Variants in PDZRN4 observed in about 807,000 individuals in gnomAD.
PDZRN4 encodes the protein PDZ domain containing ring finger 4.
PDZRN4 carries 70 observed loss-of-function variants against 99.0 expected under a neutral mutation model. The ratio of observed to expected loss-of-function variants is 0.71; its 90% confidence interval spans 0.58 to 0.86. The LOEUF is 0.86. PDZRN4 is among the 40% of genes least tolerant of loss of function. PDZRN4 has a pLI of 0.00. For synonymous variants in PDZRN4, 551 were observed against 501.6 expected (o/e 1.10, Z -1.32); for missense variants, 1,474 against 1,331.2 (o/e 1.11, Z -1.67).
At chr12:41,507,985 A>AT (rs1250828143) in intron 4 of PDZRN4, among the ~76,000 whole-genome samples, 3 of 152,218 alleles carry the variant, frequency 2.0e-5, no homozygotes, top group African/African-American at 4.8e-5. Flanking sequence ...CATAGTAGCC[A>AT]TCCAACAAAT....
intron 3 of PDZRN4, chr12:41,437,659 G>A: frequency 2.2e-6 from 2 of 891,852 alleles, no homozygotes; most frequent in South Asian, 5.0e-5. Flanking sequence ...TGGAATCTGT[G>A]TAGTCATGTG....
intron 3 of PDZRN4, among the ~76,000 whole-genome samples, chr12:41,231,324 A>G (rs755202543): frequency 7.9e-5 from 12 of 152,120 alleles, no homozygotes; most frequent in Admixed American, 3.9e-4. Context: ...TTGTGCCATC[A>G]GCATTAAAAA....
intron 5 of PDZRN4, among the ~76,000 whole-genome samples, chr12:41,533,814 C>T (rs1471687861): frequency 1.3e-5 from 2 of 152,096 alleles, no homozygotes; most frequent in Non-Finnish European, 2.9e-5. Context: ...TAACTATTTA[C>T]AAATTTGTAT....
intron 3 of PDZRN4, among the ~76,000 whole-genome samples, chr12:41,372,681 G>A (rs1340670770): frequency 6.6e-6 from 1 of 152,164 alleles, no homozygotes; most frequent in Non-Finnish European, 1.5e-5. Flanking sequence ...GTTGACTGAG[G>A]AGTTGGGGGT....
At chr12:41,531,507 G>A (rs11180981) in intron 5 of PDZRN4, among the ~76,000 whole-genome samples, 21,193 of 152,174 alleles carry the variant, frequency 0.14, 1,939 homozygotes, top group Non-Finnish European at 0.2. Context: ...GCTTGCTAGG[G>A]TCTTAGGCTT....
At chr12:41,553,949 A>G (rs928924719) in intron 6 of PDZRN4, among the ~76,000 whole-genome samples, 1 of 152,156 alleles carries the variant, frequency 6.6e-6, no homozygotes, top group Non-Finnish European at 1.5e-5. Flanking sequence ...TTGTTTTGAT[A>G]GACCTGCTTA....
At chr12:41,205,788 CA>C (rs112900325) in intron 3 of PDZRN4, among the ~76,000 whole-genome samples, 4,527 of 151,918 alleles carry the variant, frequency 0.03, 238 homozygotes, top group African/African-American at 0.1. Context: ...TCTAGTGCAA[CA>C]AAAGATCAAA....
At chr12:41,380,146 T>C (rs1222288374) in intron 3 of PDZRN4, among the ~76,000 whole-genome samples, 5 of 152,088 alleles carry the variant, frequency 3.3e-5, no homozygotes. Flanking sequence ...TCTTCTCCGA[T>C]GTAAATTTAG....
chr12:41,559,150 T>G (rs1939221217), intron 7 of PDZRN4, among the ~76,000 whole-genome samples: 1 of 150,898 alleles, frequency 6.6e-6, no homozygotes, highest in Non-Finnish European at 1.5e-5. Flanking sequence ...GTAGGTGAAC[T>G]CACCCAATGA....
chr12:41,377,454 G>C (rs1952090297), intron 3 of PDZRN4, among the ~76,000 whole-genome samples: 1 of 152,228 alleles, frequency 6.6e-6, no homozygotes, highest in African/African-American at 2.4e-5. Context: ...CACAAGGTCA[G>C]GAGATCAAGA....
At chr12:41,329,156 A>G (rs17129233) in intron 3 of PDZRN4, among the ~76,000 whole-genome samples, 4,274 of 152,166 alleles carry the variant, frequency 0.028, 76 homozygotes, top group Non-Finnish European at 0.035. Flanking sequence ...GCTGCTAGTT[A>G]TTGGGTATTA....
Position 41,194,197 on chromosome 12 carries a change from A to G in PDZRN4, c.843+9A>G, listed in dbSNP as rs1285758842. On this transcript the variant is annotated intron_variant, in intron 3 of 9. Transcript: ENST00000402685. The stretch of plus-strand genomic sequence containing the variant: ...ATGACAAAATCATGGAGGTAAGACA[A>G]TGATAAAACATGTATATGATCCATG... 4 of 1,134,186 alleles carry G rather than the reference A, an allele frequency of 3.5e-6. No homozygotes were observed. The highest frequency in any genetic ancestry group is 1.2e-5 in the South Asian group (1 of 81,204). 70.3% of individuals were successfully genotyped at this position (1,134,186 alleles called of 1,614,324 possible). A position where few individuals can be genotyped will look rare whatever the true frequency, so the allele number is the denominator to read the frequency against.
At chr12:41,452,167 C>G (rs968108524) in intron 3 of PDZRN4, among the ~76,000 whole-genome samples, 6 of 150,990 alleles carry the variant, frequency 4.0e-5, no homozygotes, top group Non-Finnish European at 8.8e-5. Flanking sequence ...CTATGGCTCA[C>G]ACCTATAATC....
chr12:41,461,332 C>T (rs1173302375), intron 3 of PDZRN4, among the ~76,000 whole-genome samples: 1 of 152,066 alleles, frequency 6.6e-6, no homozygotes, highest in African/African-American at 2.4e-5. Flanking sequence ...GCCTAGTACC[C>T]ATTAGTTAAT....
intron 3 of PDZRN4, among the ~76,000 whole-genome samples, chr12:41,353,992 C>T (rs1239260388): frequency 6.6e-6 from 1 of 152,002 alleles, no homozygotes; most frequent in African/African-American, 2.4e-5. Context: ...TGAAGATTAA[C>T]ATCAGTGTTA....
intron 3 of PDZRN4, among the ~76,000 whole-genome samples, chr12:41,313,478 G>A (rs780533860): frequency 2.0e-5 from 3 of 152,154 alleles, no homozygotes; most frequent in East Asian, 1.9e-4. Flanking sequence ...AAAGACCCAC[G>A]TGGGTCATTC....
intron 3 of PDZRN4, among the ~76,000 whole-genome samples, chr12:41,233,980 G>T (rs1212672287): frequency 2.0e-5 from 3 of 151,714 alleles, no homozygotes; most frequent in Admixed American, 2.0e-4. Context: ...TCTGTTTCCA[G>T]ATGTAGCAGA....
At chr12:41,358,647 C>T (rs1390213477) in intron 3 of PDZRN4, among the ~76,000 whole-genome samples, 1 of 152,014 alleles carries the variant, frequency 6.6e-6, no homozygotes, top group African/African-American at 2.4e-5. Flanking sequence ...ACTGTCCTGC[C>T]ACAGCTGTAA....
At chr12:41,391,443 G>A (rs751022930) in intron 3 of PDZRN4, among the ~76,000 whole-genome samples, 7 of 152,094 alleles carry the variant, frequency 4.6e-5, no homozygotes, top group African/African-American at 7.2e-5. Flanking sequence ...CAAGCTCACC[G>A]TATAACCAAC....
Sources: allele counts gnomAD v4.1 joint callset (sites outside exome capture counted in the v4.1 genomes callset), GRCh38; gene constraint gnomAD v4.1.1; transcripts MANE v1.5; gene names NCBI Gene and HGNC (gene_info 2026-07-23, HGNC 2026-07-21).